The following CSNK2A2IP variants were observed in gnomAD, a reference collection of about 807,000 sequenced individuals.
The protein encoded by CSNK2A2IP is casein kinase II subunit alpha'-interacting protein.
chr3:88,339,196 C>A, the CSNK2A2IP span, among the ~76,000 whole-genome samples: 1 of 151,986 alleles, frequency 6.6e-6, no homozygotes, highest in Non-Finnish European at 1.5e-5. Flanking sequence ...ACAATCCTCA[C>A]TTTATCCCCC....
the CSNK2A2IP span, among the ~76,000 whole-genome samples, chr3:88,347,730 G>C: frequency 0.1 from 15,320 of 151,972 alleles, 894 homozygotes; most frequent in East Asian, 0.21. Flanking sequence ...AAAACAGGCA[G>C]TGTCTCCAAG....
chr3:88,409,492 A>G, the CSNK2A2IP span, among the ~76,000 whole-genome samples: 5 of 151,194 alleles, frequency 3.3e-5, no homozygotes, highest in African/African-American at 4.8e-5. Flanking sequence ...TGGGGGGAAA[A>G]TGTCTAGGTG....
At chr3:88,461,502 G>A in the CSNK2A2IP span, among the ~76,000 whole-genome samples, 3 of 152,118 alleles carry the variant, frequency 2.0e-5, no homozygotes, top group African/African-American at 4.8e-5. Flanking sequence ...GCAGTGAGCC[G>A]AGATCAAGCC....
At chr3:88,464,541 T>C in the CSNK2A2IP span, among the ~76,000 whole-genome samples, 1 of 151,730 alleles carries the variant, frequency 6.6e-6, no homozygotes, top group African/African-American at 2.4e-5. Flanking sequence ...AATAATGAAA[T>C]AGGAGCTTTA....
the CSNK2A2IP span, among the ~76,000 whole-genome samples, chr3:88,399,999 T>C: frequency 5.9e-5 from 9 of 152,186 alleles, no homozygotes; most frequent in African/African-American, 2.2e-4. Flanking sequence ...GAATATCACG[T>C]AATAGAAGCA....
chr3:88,430,608 C>T, the CSNK2A2IP span, among the ~76,000 whole-genome samples: 1 of 151,698 alleles, frequency 6.6e-6, no homozygotes, highest in Non-Finnish European at 1.5e-5. Context: ...GACCTGGAGA[C>T]CAGTTATAGA....
chr3:88,376,238 C>T, the CSNK2A2IP span, among the ~76,000 whole-genome samples: 1 of 151,698 alleles, frequency 6.6e-6, no homozygotes, highest in African/African-American at 2.4e-5. Flanking sequence ...TCATTGTACT[C>T]CTCTCCCACT....
chr3:88,429,772 AGACG>A, the CSNK2A2IP span, among the ~76,000 whole-genome samples: 1 of 152,054 alleles, frequency 6.6e-6, no homozygotes, highest in African/African-American at 2.4e-5. Context: ...TTGTTTTTTG[AGACG>A]GAGTCTCGTT....
chr3:88,436,032 G>A, the CSNK2A2IP span, among the ~76,000 whole-genome samples: 2 of 151,638 alleles, frequency 1.3e-5, no homozygotes. Context: ...GAGAAGAGAA[G>A]GGAAGAGAAT....
At chr3:88,343,388 G>A in the CSNK2A2IP span, 1 of 151,900 alleles carries the variant, frequency 6.6e-6, no homozygotes, top group Admixed American at 6.6e-5. Flanking sequence ...AGAAACAAGG[G>A]AGCATTCTTA....
the CSNK2A2IP span, among the ~76,000 whole-genome samples, chr3:88,391,028 T>C: frequency 1.3e-5 from 2 of 152,204 alleles, no homozygotes; most frequent in African/African-American, 4.8e-5. Flanking sequence ...TTTCTAGCAG[T>C]GTGATTGGGG....
chr3:88,412,980 G>T, the CSNK2A2IP span, among the ~76,000 whole-genome samples: 4 of 152,034 alleles, frequency 2.6e-5, no homozygotes, highest in Admixed American at 1.3e-4. Context: ...TATGGTGCAA[G>T]GGTTAATGGT....
At chr3:88,453,560 A>G in the CSNK2A2IP span, among the ~76,000 whole-genome samples, 1 of 152,052 alleles carries the variant, frequency 6.6e-6, no homozygotes, top group Non-Finnish European at 1.5e-5. Context: ...CTGAAGGACT[A>G]TATCTTAGAT....
At chr3:88,364,684 C>G in the CSNK2A2IP span, among the ~76,000 whole-genome samples, 193 of 152,150 alleles carry the variant, frequency 1.3e-3, 2 homozygotes, top group African/African-American at 4.3e-3. Flanking sequence ...TATTTTAAGG[C>G]CTGAAATTAA....
the CSNK2A2IP span, among the ~76,000 whole-genome samples, chr3:88,405,225 C>T: frequency 5.3e-5 from 8 of 152,090 alleles, no homozygotes; most frequent in Admixed American, 1.3e-4. Flanking sequence ...CCATGTTCCC[C>T]CAACTCTTTG....
At chr3:88,453,518 T>C in the CSNK2A2IP span, among the ~76,000 whole-genome samples, 8 of 152,268 alleles carry the variant, frequency 5.3e-5, no homozygotes, top group African/African-American at 9.6e-5. Context: ...AAGACATCTA[T>C]ACATTATTTG....
At chr3:88,453,599 T>C in the CSNK2A2IP span, among the ~76,000 whole-genome samples, 156 of 152,246 alleles carry the variant, frequency 1.0e-3, 3 homozygotes, top group African/African-American at 3.7e-3. Flanking sequence ...GTCCACCTAT[T>C]TTTGTTTTGA....
At chr3:88,433,367 G>T in the CSNK2A2IP span, among the ~76,000 whole-genome samples, 1 of 151,776 alleles carries the variant, frequency 6.6e-6, no homozygotes, top group Non-Finnish European at 1.5e-5. Context: ...CAATTACTAA[G>T]TTGTTTTAAA....
the CSNK2A2IP span, chr3:88,465,284 G>A: frequency 2.0e-5 from 18 of 901,496 alleles, no homozygotes; most frequent in South Asian, 2.9e-4. Flanking sequence ...ATGGATTCCC[G>A]CTAAAAGACT....
Sources: allele counts gnomAD v4.1 joint callset (sites outside exome capture counted in the v4.1 genomes callset), GRCh38; gene constraint gnomAD v4.1.1; transcripts MANE v1.5; gene names NCBI Gene and HGNC (gene_info 2026-07-23, HGNC 2026-07-21).